The following NPAS3 variants were observed in gnomAD, a reference collection of about 807,000 sequenced individuals.
The protein encoded by NPAS3 is neuronal PAS domain protein 3.
In NPAS3, 14 loss-of-function variants were observed where a neutral mutation model predicts 73.1. The observed-to-expected ratio is 0.19, with a 90% confidence interval of 0.13 to 0.30. NPAS3 has a LOEUF of 0.30. NPAS3 is among the 10% of genes least tolerant of loss of function. The pLI is 1.00. For missense variants in NPAS3, 1,096 were observed against 1,250.0 expected, an observed-to-expected ratio of 0.88 and a Z score of 1.86; for synonymous variants, 620 against 541.5, an observed-to-expected ratio of 1.14 and a Z score of -2.01.
At chr14:33,307,593 A>ATGTGTGTGTGTGTGTGTGTGTGTGTGTG (rs10528551) in intron 3 of NPAS3, among the ~76,000 whole-genome samples, 5,918 of 138,774 alleles carry the variant, frequency 0.043, 152 homozygotes, top group East Asian at 0.095. Context: ...TTTTTTTTCA[A>ATGTGTGTGTGTGTGTGTGTGTGTGTGTG]TGTGTGTGTG....
chr14:33,572,790 C>T (rs1033246036), intron 5 of NPAS3, among the ~76,000 whole-genome samples: 4 of 151,902 alleles, frequency 2.6e-5, no homozygotes, highest in Non-Finnish European at 2.9e-5. Context: ...TTTGGGAGGC[C>T]GAGGTGGGCG....
At chr14:33,558,119 ATCATGTAATCTGC>A (rs1476223054) in intron 4 of NPAS3, among the ~76,000 whole-genome samples, 1 of 152,236 alleles carries the variant, frequency 6.6e-6, no homozygotes, top group African/African-American at 2.4e-5. Flanking sequence ...AAGCTCATCT[ATCATGTAATCTGC>A]TCTTTAGTGG....
At chr14:33,666,126 A>G (rs2059444337) in intron 5 of NPAS3, among the ~76,000 whole-genome samples, 2 of 152,200 alleles carry the variant, frequency 1.3e-5, no homozygotes, top group African/African-American at 4.8e-5. Flanking sequence ...ACGGTTAATG[A>G]ACGCTGGCAT....
Position 33,403,226 on chromosome 14 carries a change from C to A in NPAS3, c.468+35958C>A, listed in dbSNP as rs183715344. Among the ~76,000 whole-genome samples the A allele has an allele frequency of 3.0e-3, 457 of 151,858 alleles. 5 individuals carry two copies. Among genetic ancestry groups the A allele is most frequent in the Admixed American group, 6.8e-3 (104 of 15,250 alleles). On this transcript the variant is annotated intron_variant, in intron 4 of 11. Transcript: ENST00000356141. ...AAATATTACAGAGAAAGAAAATGAA[C>A]TAGAAGAAAGTTTGTTTGCTCACAA...
intron 5 of NPAS3, among the ~76,000 whole-genome samples, chr14:33,651,377 G>C (rs1330014477): frequency 6.6e-6 from 1 of 152,152 alleles, no homozygotes; most frequent in East Asian, 1.9e-4. Context: ...TACTTACTGA[G>C]TTTTCAAAGT....
At chr14:33,001,502 A>G (rs916764054) in intron 1 of NPAS3, among the ~76,000 whole-genome samples, 2 of 152,078 alleles carry the variant, frequency 1.3e-5, no homozygotes, top group Admixed American at 6.5e-5. Context: ...CAATTTTCCT[A>G]TGGAGCTTAC....
downstream of NPAS3, chr14:33,802,532 A>C (rs2138710547): frequency 6.6e-6 from 1 of 152,342 alleles, no homozygotes; most frequent in East Asian, 1.9e-4. Flanking sequence ...TTGTTAAGGC[A>C]TCTAATAACA....
At chr14:32,969,964 A>G (rs1223016001) in intron 1 of NPAS3, among the ~76,000 whole-genome samples, 1 of 152,216 alleles carries the variant, frequency 6.6e-6, no homozygotes, top group East Asian at 1.9e-4. Context: ...AACAATATGA[A>G]GCTAATGAGA....
intron 4 of NPAS3, among the ~76,000 whole-genome samples, chr14:33,422,420 G>C (rs1425106372): frequency 6.6e-6 from 1 of 151,930 alleles, no homozygotes; most frequent in South Asian, 2.1e-4. Flanking sequence ...TGAAGAGACA[G>C]AGAAATAGGT....
chr14:33,681,139 G>A (rs2059925784), intron 6 of NPAS3: 1 of 152,396 alleles, frequency 6.6e-6, no homozygotes, highest in Admixed American at 6.5e-5. Context: ...ACAGTAAGCG[G>A]TATAATTAGA....
upstream of NPAS3, among the ~76,000 whole-genome samples, chr14:32,935,212 C>T (rs2035658590): frequency 6.6e-6 from 1 of 152,208 alleles, no homozygotes; most frequent in Non-Finnish European, 1.5e-5. Flanking sequence ...GTGAAATCAT[C>T]CTTTGCCCTT....
chr14:33,592,857 T>C (rs2057115764), intron 5 of NPAS3, among the ~76,000 whole-genome samples: 1 of 152,202 alleles, frequency 6.6e-6, no homozygotes, highest in African/African-American at 2.4e-5. Context: ...TTAGAATGTA[T>C]GCCTCAAATC....
At position 33,152,460 on chromosome 14, in the gene NPAS3, T is replaced by C. The variant is rs115580930; in HGVS notation, c.141-62722T>C. ...TAGGATGACTCAGATATGGTGTCCA[T>C]ATTGTCCCATGTGGTTCCCATTTCT... On this transcript the variant is annotated intron_variant, in intron 2 of 11. Coordinates refer to ENST00000356141, the Ensembl canonical transcript of NPAS3. Among the ~76,000 whole-genome samples, 661 of 152,302 alleles carry C rather than the reference T, an allele frequency of 4.3e-3. 7 individuals are homozygous for C. The highest frequency in any genetic ancestry group is 0.015 in the African/African-American group (618 of 41,568).
chr14:33,050,618 C>A (rs2040670307), intron 1 of NPAS3, among the ~76,000 whole-genome samples: 1 of 151,968 alleles, frequency 6.6e-6, no homozygotes, highest in Non-Finnish European at 1.5e-5. Context: ...AATTTAATTG[C>A]CATTAGAGAT....
chr14:33,678,096 A>C (rs2059819775), intron 6 of NPAS3, among the ~76,000 whole-genome samples: 1 of 152,182 alleles, frequency 6.6e-6, no homozygotes, highest in Non-Finnish European at 1.5e-5. Context: ...ACAAATGCTC[A>C]AGTTTGAAAG....
chr14:33,436,727 T>C (rs535963518), intron 4 of NPAS3, among the ~76,000 whole-genome samples: 1 of 152,340 alleles, frequency 6.6e-6, no homozygotes, highest in South Asian at 2.1e-4. Flanking sequence ...GTGTGAACAA[T>C]TAATTTTCCT....
At chr14:33,527,055 G>C (rs771559878) in intron 4 of NPAS3, among the ~76,000 whole-genome samples, 11 of 152,162 alleles carry the variant, frequency 7.2e-5, no homozygotes, top group Non-Finnish European at 1.3e-4. Context: ...CCAGTATTCA[G>C]TGTAGCAAAT....
At chr14:33,142,992 C>A (rs1001384495) in intron 2 of NPAS3, among the ~76,000 whole-genome samples, 2 of 152,134 alleles carry the variant, frequency 1.3e-5, no homozygotes, top group African/African-American at 4.8e-5. Context: ...GTAATCCCAG[C>A]TACTCCAGAG....
chr14:33,405,193 C>T (rs980635539), intron 4 of NPAS3, among the ~76,000 whole-genome samples: 1 of 151,958 alleles, frequency 6.6e-6, no homozygotes, highest in African/African-American at 2.4e-5. Context: ...TCTGGATGGT[C>T]TGGACTTGTG....
Sources: allele counts gnomAD v4.1 joint callset (sites outside exome capture counted in the v4.1 genomes callset), GRCh38; gene constraint gnomAD v4.1.1; transcripts MANE v1.5; gene names NCBI Gene and HGNC (gene_info 2026-07-23, HGNC 2026-07-21).